ZFAND1: variants seen among roughly 807,000 people sequenced by gnomAD.
ZFAND1 encodes zinc finger AN1-type containing 1, also known as AN1-type zinc finger protein 1.
ZFAND1 carries 40 observed loss-of-function variants against 38.5 expected under a neutral mutation model. The ratio of observed to expected loss-of-function variants is 1.04; its 90% CI spans 0.81 to 1.35. ZFAND1 has a LOEUF of 1.35. ZFAND1 is among the 40% of genes most tolerant of loss of function. The pLI is 0.00. For synonymous variants in ZFAND1, 117 were observed against 103.6 expected, an observed-to-expected ratio of 1.13 and a Z score of -0.78; for missense variants, 346 against 316.3, an observed-to-expected ratio of 1.09 and a Z score of -0.71.
Position 81,714,806 on chromosome 8 carries a change from A to G in ZFAND1, c.356T>C (p.Ile119Thr). 1 of 1,613,944 alleles carries G rather than the reference A, an allele frequency of 6.2e-7. No individual in the cohort carries two copies. ...AAACACGCTTTCTAGATACTTACCA[A>G]TAATGTCTTTAACAAGTTTCTGAGT... is the stretch of plus-strand genomic sequence containing the variant. ...AATQKLVKDI[I>T]DSKTGETASK... Residue 119 changes from isoleucine (I) to threonine (T), a missense_variant and splice_region_variant, in exon 5 of 8, where the codon ATT becomes ACT. Physicochemically the swap from Ile to Thr is moderately conservative, Grantham distance 89 (BLOSUM62 -1). Coordinates refer to ENST00000220669, the MANE Select transcript of ZFAND1 (RefSeq NM_024699.3).
chr8:81,719,094 G>C (rs956779048), intron 1 of ZFAND1, among the ~76,000 whole-genome samples: 2 of 151,884 alleles, frequency 1.3e-5, no homozygotes, highest in African/African-American at 4.8e-5. Context: ...ATATATGAAA[G>C]ATCAGAATAG....
At chr8:81,714,577 A>G (rs1808242918) in intron 5 of ZFAND1, 1 of 470,024 alleles carries the variant, frequency 2.1e-6, no homozygotes, top group Non-Finnish European at 3.9e-6. Context: ...TAAGTGGCTC[A>G]GCAAAAGAGA....
intron 6 of ZFAND1, among the ~76,000 whole-genome samples, chr8:81,708,248 CA>C (rs746812833): frequency 0.01 from 649 of 62,924 alleles, 5 homozygotes; most frequent in African/African-American, 0.033. Context: ...AAAGCTCCAT[CA>C]AAAAAAAAAA....
chr8:81,714,759 C>T (rs1808248264), intron 5 of ZFAND1, 45 bp downstream of exon 5: 2 of 1,555,484 alleles, frequency 1.3e-6, no homozygotes, highest in South Asian at 2.2e-5. Context: ...GAAGCAGGAG[C>T]TCTGGAACTA....
chr8:81,717,498 G>A (rs999205644), intron 2 of ZFAND1, among the ~76,000 whole-genome samples: 3 of 152,028 alleles, frequency 2.0e-5, no homozygotes, highest in Non-Finnish European at 4.4e-5. Context: ...ACTTCAATAT[G>A]AGTAAAAACA....
At chr8:81,713,448 TATC>T (rs1276116347) in intron 6 of ZFAND1, among the ~76,000 whole-genome samples, 1 of 152,102 alleles carries the variant, frequency 6.6e-6, no homozygotes, top group Non-Finnish European at 1.5e-5. Context: ...GAATAACAAA[TATC>T]ATAATATAAC....
chr8:81,717,057 A>T (rs756658195), intron 3 of ZFAND1, among the ~76,000 whole-genome samples, 192 bp downstream of exon 3: 6 of 152,206 alleles, frequency 3.9e-5, no homozygotes, highest in Non-Finnish European at 7.3e-5. Flanking sequence ...AAAATTTACA[A>T]ATACCAAGTA....
At chr8:81,706,894 C>G (rs934900981) in intron 6 of ZFAND1, among the ~76,000 whole-genome samples, 1 of 150,766 alleles carries the variant, frequency 6.6e-6, no homozygotes, top group Admixed American at 6.6e-5. Context: ...AAACAAAAAC[C>G]GTAAAATAAG....
At chr8:81,715,158 A>C (rs1423826673) in intron 3 of ZFAND1, 44 bp from the exon 4 acceptor site, 1 of 1,601,932 alleles carries the variant, frequency 6.2e-7, no homozygotes. Flanking sequence ...TTCAGACCTA[A>C]AACAAATCAA....
intron 1 of ZFAND1, among the ~76,000 whole-genome samples, chr8:81,719,648 C>A (rs1296454746): frequency 3.9e-5 from 6 of 152,052 alleles, no homozygotes. Flanking sequence ...AAGACAACTT[C>A]CCAGCACCTG....
chr8:81,720,951 C>T (rs1174097146), intron 1 of ZFAND1: 1 of 509,054 alleles, frequency 2.0e-6, no homozygotes, highest in South Asian at 2.4e-5. Flanking sequence ...CTCACTGCAG[C>T]CCCAGAAGAA....
intron 6 of ZFAND1, among the ~76,000 whole-genome samples, chr8:81,712,307 T>C (rs191445330): frequency 1.3e-5 from 2 of 152,266 alleles, no homozygotes; most frequent in Non-Finnish European, 1.5e-5. Flanking sequence ...TTTAGATACA[T>C]TTGCATTAAA....
rs1243942809 is a variant in ZFAND1 at position 81,721,296 on chromosome 8, A to AAGGGGCGGGGCAAAGCCTG, written c.-16_-15insCAGGCTTTGCCCCGCCCCT. 1.6e-5 allele frequency: 25 copies of AAGGGGCGGGGCAAAGCCTG among 1,547,618 alleles called. No individual in the cohort carries two copies. The highest frequency in any genetic ancestry group is 4.1e-5 in the African/African-American group (3 of 73,150). ...AACTCCGCCATCTCTCCGGCGCCGTAAGGGGCGGGGCAAAGCCTGAGGGGC... is the reference window on the plus strand; with the variant it reads ...AACTCCGCCATCTCTCCGGCGCCGTAAGGGGCGGGGCAAAGCCTGAGGGGCGGGGCAAAGCCTGAGGGGC... On this transcript the variant is annotated 5_prime_UTR_variant, in exon 1 of 8. Transcript: ENST00000220669.
At chr8:81,714,640 G>C (rs1808244713) in intron 5 of ZFAND1, 164 bp downstream of exon 5, 1 of 643,038 alleles carries the variant, frequency 1.6e-6, no homozygotes, top group Admixed American at 2.9e-5. Context: ...CCATCGGTCA[G>C]GTAGACCTCA....
rs778485615 is a variant in ZFAND1 at position 81,714,721 on chromosome 8, G to T, written c.358+83C>A. On this transcript the variant is annotated intron_variant, in intron 5 of 7. Coordinates refer to ENST00000220669, the MANE Select transcript of ZFAND1 (RefSeq NM_024699.3). Reference sequence around the variant, plus strand: ...GAATACCACTGGGGTTATTAATGATGCCTCCCATAATTGGAAAGTAGATAT... The same window carrying T: ...GAATACCACTGGGGTTATTAATGATTCCTCCCATAATTGGAAAGTAGATAT... 25 of 1,165,800 alleles carry T rather than the reference G, an allele frequency of 2.1e-5. 1 individual carries two copies. In the South Asian group the frequency reaches 3.2e-4, roughly 15 times the overall value. 72.2% of individuals were successfully genotyped at this position (1,165,800 alleles called of 1,614,324 possible).
intron 6 of ZFAND1, among the ~76,000 whole-genome samples, chr8:81,713,324 C>T (rs902621560): frequency 1.1e-4 from 16 of 152,058 alleles, no homozygotes; most frequent in Admixed American, 2.0e-4. Context: ...GGGGTTTCAC[C>T]GTGTTAGCCA....
At chr8:81,709,761 T>C (rs1164496965) in intron 6 of ZFAND1, among the ~76,000 whole-genome samples, 2 of 152,184 alleles carry the variant, frequency 1.3e-5, no homozygotes, top group Non-Finnish European at 2.9e-5. Flanking sequence ...TATGATATAT[T>C]GTTAAGTGTG....
At chr8:81,708,593 TAA>T (rs1808049328) in intron 6 of ZFAND1, among the ~76,000 whole-genome samples, 1 of 152,080 alleles carries the variant, frequency 6.6e-6, no homozygotes, top group South Asian at 2.1e-4. Flanking sequence ...AAAAACATAT[TAA>T]AAGTTGTCCA....
chr8:81,711,217 G>A (rs1212485997), intron 6 of ZFAND1, among the ~76,000 whole-genome samples: 8 of 152,126 alleles, frequency 5.3e-5, no homozygotes. Flanking sequence ...TTCAAGACCA[G>A]CCTGACCAAC....
Sources: gnomAD v4.1 joint callset for allele counts (sites outside exome capture counted in the v4.1 genomes callset) on GRCh38, gnomAD v4.1.1 for gene constraint, MANE v1.5 for transcripts, NCBI Gene and HGNC (gene_info 2026-07-23, HGNC 2026-07-21) for gene names.